The following TCF4 variants were observed in gnomAD, a reference collection of about 807,000 sequenced individuals.
TCF4 encodes SL3-3 enhancer factor 2.
In TCF4, 3 loss-of-function variants were observed where a neutral mutation model predicts 82.1. The ratio of observed to expected loss-of-function variants is 0.04; its 90% CI spans 0.02 to 0.09. TCF4 has a LOEUF of 0.09. Among genes scored for constraint, TCF4 ranks in the 10% least tolerant of loss-of-function variants. The probability of loss-of-function intolerance (pLI) is 1.00; values close to 1 mark genes in which losing one functional copy is unlikely to be tolerated. For missense variants in TCF4, 518 were observed against 852.7 expected, an observed-to-expected ratio of 0.61 and a Z score of 4.89; for synonymous variants, 276 against 309.6, an observed-to-expected ratio of 0.89 and a Z score of 1.14.
chr18:55,550,762 T>C (rs916611717), intron 3 of TCF4: 1 of 152,088 alleles, frequency 6.6e-6, no homozygotes, highest in Non-Finnish European at 1.5e-5. Context: ...TTGATGGTGA[T>C]AAAAAAGGGT....
At chr18:55,288,580 A>C (rs929628688) in intron 8 of TCF4, among the ~76,000 whole-genome samples, 2 of 152,220 alleles carry the variant, frequency 1.3e-5, no homozygotes, top group Non-Finnish European at 2.9e-5. Context: ...ACCAAAACCC[A>C]GCTTTGTAGA....
rs200329942 is a variant in TCF4 at position 55,365,684 on chromosome 18, G to C, written c.370-14681C>G. 1.1e-4 allele frequency among the ~76,000 whole-genome samples: 17 copies of C among 152,234 alleles called. No homozygotes were observed. The East Asian group carries it at 3.3e-3, about 29-fold the overall frequency. On this transcript the variant is annotated intron_variant, in intron 6 of 19. Transcript: ENST00000354452. ...GGAGGCCAAGGTGAGTGGACCACCT[G>C]AGGTCAGGAGTTCAAGACCAGCCTG...
chr18:55,511,903 T>G (rs1236359867), intron 3 of TCF4, among the ~76,000 whole-genome samples: 1 of 152,174 alleles, frequency 6.6e-6, no homozygotes, highest in Non-Finnish European at 1.5e-5. Flanking sequence ...TAAAAATAAT[T>G]AATCATTGCT....
chr18:55,399,891 C>T (rs1177256333), intron 6 of TCF4, among the ~76,000 whole-genome samples: 1 of 147,358 alleles, frequency 6.8e-6, no homozygotes, highest in Non-Finnish European at 1.5e-5. Context: ...CACACACACA[C>T]ACACACACAC....
intron 12 of TCF4, among the ~76,000 whole-genome samples, chr18:55,260,328 T>G (rs1240639638): frequency 6.6e-6 from 1 of 152,140 alleles, no homozygotes; most frequent in African/African-American, 2.4e-5. Context: ...AAGCAGATAC[T>G]TTGAACTTTC....
intron 5 of TCF4, among the ~76,000 whole-genome samples, chr18:55,416,976 T>C (rs2094546634): frequency 6.6e-6 from 1 of 152,262 alleles, no homozygotes; most frequent in Non-Finnish European, 1.5e-5. Flanking sequence ...AGCCGAGTGC[T>C]CAAAGCAAAA....
chr18:55,262,144 GTCAATATGGCCTCGAATTCC>G (rs1343692305), intron 11 of TCF4, among the ~76,000 whole-genome samples: 1 of 152,156 alleles, frequency 6.6e-6, no homozygotes. Context: ...GCTACTAAAA[GTCAATATGGCCTCGAATTCC>G]AGAGATAAAG....
intron 5 of TCF4, among the ~76,000 whole-genome samples, chr18:55,409,999 C>A (rs2094279094): frequency 6.6e-6 from 1 of 152,140 alleles, no homozygotes; most frequent in Non-Finnish European, 1.5e-5. Flanking sequence ...ATTTAAAAAT[C>A]TAAATGTAAA....
At chr18:55,455,163 G>C (rs2095712106) in intron 5 of TCF4, among the ~76,000 whole-genome samples, 2 of 115,986 alleles carry the variant, frequency 1.7e-5, no homozygotes, top group African/African-American at 7.0e-5. Flanking sequence ...CTGGGCAACA[G>C]AGAGAGACTC....
intron 6 of TCF4, among the ~76,000 whole-genome samples, chr18:55,390,895 C>T (rs182032194): frequency 8.5e-4 from 130 of 152,242 alleles, no homozygotes; most frequent in African/African-American, 3.0e-3. Context: ...ATGTTCTTTC[C>T]GGTGACAAAT....
chr18:55,362,432 A>AGGAC (rs2085664837), intron 6 of TCF4, among the ~76,000 whole-genome samples: 1 of 138,288 alleles, frequency 7.2e-6, no homozygotes, highest in Non-Finnish European at 1.6e-5. Flanking sequence ...GAAGGAAGGA[A>AGGAC]GGAAAAAAAA....
At chr18:55,634,936 T>C (rs1341264978) in intron 1 of TCF4, among the ~76,000 whole-genome samples, 1 of 152,222 alleles carries the variant, frequency 6.6e-6, no homozygotes, top group African/African-American at 2.4e-5. Flanking sequence ...TGCTGTTTTA[T>C]GCAGAAATTA....
chr18:55,419,110 A>G (rs1008944068), intron 5 of TCF4, among the ~76,000 whole-genome samples: 4 of 152,214 alleles, frequency 2.6e-5, no homozygotes, highest in Non-Finnish European at 4.4e-5. Flanking sequence ...GTCAATGCTC[A>G]ACTCCTACCT....
intron 10 of TCF4, among the ~76,000 whole-genome samples, chr18:55,272,064 C>T (rs900766064): frequency 2.6e-5 from 4 of 151,966 alleles, no homozygotes; most frequent in Non-Finnish European, 4.4e-5. Context: ...ATAATCACAT[C>T]GGTGAGAATC....
At chr18:55,232,019 G>A (rs1180974950) in intron 17 of TCF4, 2 of 152,974 alleles carry the variant, frequency 1.3e-5, no homozygotes, top group African/African-American at 4.8e-5. Flanking sequence ...GTAGAAAAGA[G>A]TGTCCAGGAA....
chr18:55,347,385 A>C (rs1187776969), intron 8 of TCF4, among the ~76,000 whole-genome samples: 1 of 151,946 alleles, frequency 6.6e-6, no homozygotes, highest in Non-Finnish European at 1.5e-5. Flanking sequence ...TGTGCACTAG[A>C]GGGACAGGCT....
At chr18:55,403,267 G>A (rs1163148364) in intron 6 of TCF4, among the ~76,000 whole-genome samples, 187 bp downstream of exon 6, 2 of 152,154 alleles carry the variant, frequency 1.3e-5, no homozygotes, top group Admixed American at 6.5e-5. Context: ...ATACAGCAGC[G>A]ATCTAAAGAT....
At chr18:55,293,930 A>AATTTTTTTTTTTTTTTT (rs1568769774) in intron 8 of TCF4, among the ~76,000 whole-genome samples, 1 of 22,660 alleles carries the variant, frequency 4.4e-5, no homozygotes, top group African/African-American at 1.1e-4. Context: ...CTTTCCAAGG[A>AATTTTTTTTTTTTTTTT]CTTTTTTTTT....
chr18:55,628,881 G>C (rs753068141), intron 2 of TCF4, among the ~76,000 whole-genome samples: 119 of 152,302 alleles, frequency 7.8e-4, no homozygotes, highest in Non-Finnish European at 1.2e-3. Flanking sequence ...TGCATATGTA[G>C]TAAAATGCCA....
Sources: gnomAD v4.1 joint callset for allele counts (sites outside exome capture counted in the v4.1 genomes callset) on GRCh38, gnomAD v4.1.1 for gene constraint, MANE v1.5 for transcripts, NCBI Gene and HGNC (gene_info 2026-07-23, HGNC 2026-07-21) for gene names.